Variants in POTEF observed in about 807,000 individuals in gnomAD.
POTEF encodes the protein ANKRD26-like family C member 1B.
POTEF carries 20 observed loss-of-function variants against 83.2 expected under a neutral mutation model. That is an observed-to-expected ratio of 0.24 (90% CI 0.17 to 0.35). The LOEUF is 0.35. POTEF is among the 10% of genes least tolerant of loss of function. The probability of loss-of-function intolerance (pLI) is 1.00; values close to 1 mark genes in which losing one functional copy is unlikely to be tolerated. For synonymous variants in POTEF, 196 were observed against 446.4 expected, an observed-to-expected ratio of 0.44 and a Z score of 7.07; for missense variants, 550 against 1,203.2, an observed-to-expected ratio of 0.46 and a Z score of 8.03.
intron 8 of POTEF, 49 bp from the exon 9 acceptor site, chr2:130,102,229 TA>T (rs1315384503): frequency 6.7e-6 from 10 of 1,484,486 alleles, no homozygotes; most frequent in African/African-American, 6.1e-5. Flanking sequence ...TTAGAACAGT[TA>T]AAAACTATTG....
intron 2 of POTEF, 127 bp from the exon 3 acceptor site, chr2:130,120,735 C>A (rs1015968711): frequency 6.9e-5 from 61 of 880,450 alleles, no homozygotes; most frequent in Non-Finnish European, 7.1e-5. Flanking sequence ...CCCTGGGCGA[C>A]CCCACGCCCA....
chr2:130,125,956 CAA>C (rs895864576), intron 2 of POTEF, among the ~76,000 whole-genome samples: 4 of 150,432 alleles, frequency 2.7e-5, no homozygotes, highest in African/African-American at 9.8e-5. Flanking sequence ...TTTTCTCTTG[CAA>C]AGAGGTGGTG....
chr2:130,115,770 C>T (rs1172254255), intron 3 of POTEF, among the ~76,000 whole-genome samples: 4 of 152,140 alleles, frequency 2.6e-5, no homozygotes. Context: ...TTAATTTTTA[C>T]TAATACCACT....
At chr2:130,123,697 T>C (rs560049623) in intron 2 of POTEF, among the ~76,000 whole-genome samples, 1 of 151,574 alleles carries the variant, frequency 6.6e-6, no homozygotes, top group African/African-American at 2.4e-5. Context: ...TGAGATAGCA[T>C]TGCTACATAA....
Position 130,108,040 on chromosome 2 carries a change from C to T in POTEF, c.1095G>A (p.Met365Ile), listed in dbSNP as rs771067026. ...TGCTGTTTTCAGAAGAGATTTTTAG[C>T]ATCTGTTTTTCTTTGTAGTCAGAAA... is the stretch of plus-strand genomic sequence containing the variant. ...QLLSDYKEKQ[M>I]LKISSENSNP... Residue 365 changes from methionine (M) to isoleucine (I), a missense_variant, in exon 8 of 17, where the codon ATG becomes ATA. Physicochemically the swap from Met to Ile is conservative, Grantham distance 10. Transcript: ENST00000409914. 2.5e-5 allele frequency: 40 copies of T among 1,603,594 alleles called. 1 individual carries two copies. The highest frequency in any genetic ancestry group is 4.1e-4 in the Middle Eastern group (2 of 4,868).
chr2:130,128,587 C>G (rs1344032194), intron 1 of POTEF, among the ~76,000 whole-genome samples: 19 of 149,112 alleles, frequency 1.3e-4, no homozygotes, highest in Admixed American at 1.3e-3. Context: ...GTGTAGCACC[C>G]GATAGTGCCC....
intron 8 of POTEF, among the ~76,000 whole-genome samples, chr2:130,104,146 C>G (rs912767628): frequency 2.0e-5 from 3 of 150,618 alleles, no homozygotes; most frequent in African/African-American, 7.5e-5. Flanking sequence ...GTAGCAATTT[C>G]TCAATAATTC....
intron 8 of POTEF, among the ~76,000 whole-genome samples, chr2:130,104,865 G>A (rs554782384): frequency 6.6e-6 from 1 of 151,342 alleles, no homozygotes; most frequent in East Asian, 1.9e-4. Flanking sequence ...AGTCTTATTA[G>A]TGAGAGTCAA....
Position 130,108,848 on chromosome 2 carries a change from G to A in POTEF, c.1056-769C>T, listed in dbSNP as rs184694500. Among the ~76,000 whole-genome samples, 908 of 149,588 alleles carry A rather than the reference G, an allele frequency of 6.1e-3. 50 individuals are homozygous for A. The highest frequency in any genetic ancestry group is 0.022 in the African/African-American group (877 of 40,428). ...ATGTTAAGACCTGACTTGGACCAAC[G>A]ATCCTTCTCTACCGACTCAAACTCT... is the stretch of plus-strand genomic sequence containing the variant. On this transcript the variant is annotated intron_variant, in intron 7 of 16. Transcript: ENST00000409914.
chr2:130,115,403 A>G, intron 3 of POTEF, 75 bp from the exon 4 acceptor site: 2 of 1,462,838 alleles, frequency 1.4e-6, no homozygotes, highest in Non-Finnish European at 1.9e-6. Context: ...ATGTAACTGC[A>G]AACACTGAAT....
intron 5 of POTEF, among the ~76,000 whole-genome samples, chr2:130,114,082 G>A (rs1223548447): frequency 6.6e-6 from 1 of 151,832 alleles, no homozygotes; most frequent in African/African-American, 2.4e-5. Flanking sequence ...TACTAAGTCA[G>A]TTAATTACTT....
intron 11 of POTEF, among the ~76,000 whole-genome samples, chr2:130,099,166 T>C (rs1684328441): frequency 2.6e-5 from 1 of 37,762 alleles, no homozygotes; most frequent in Admixed American, 4.4e-4. Flanking sequence ...AGTCCAAATC[T>C]CCATGATACA....
At chr2:130,099,131 T>C (rs1233969403) in intron 11 of POTEF, among the ~76,000 whole-genome samples, 1 of 55,658 alleles carries the variant, frequency 1.8e-5, no homozygotes, top group Non-Finnish European at 3.2e-5. Context: ...GTTTTGCTTA[T>C]TATGTGGCTG....
intron 7 of POTEF, chr2:130,109,742 T>C (rs1408292656): frequency 4.6e-5 from 7 of 151,162 alleles, no homozygotes; most frequent in African/African-American, 1.7e-4. Context: ...AAGGATCTCT[T>C]ACCATGAAGG....
intron 15 of POTEF, among the ~76,000 whole-genome samples, chr2:130,083,453 G>C (rs1307301754): frequency 3.7e-4 from 54 of 146,712 alleles, no homozygotes; most frequent in Non-Finnish European, 6.9e-4. Context: ...GGACTAGAAA[G>C]GCAGGAGGAA....
chr2:130,117,217 T>G (rs1437865568), intron 3 of POTEF, among the ~76,000 whole-genome samples: 1 of 151,890 alleles, frequency 6.6e-6, no homozygotes, highest in Non-Finnish European at 1.5e-5. Flanking sequence ...AAGATAATTA[T>G]GTAATAAAAT....
intron 7 of POTEF, among the ~76,000 whole-genome samples, chr2:130,108,626 G>T (rs1684615246): frequency 6.6e-6 from 1 of 150,778 alleles, no homozygotes; most frequent in African/African-American, 2.5e-5. Context: ...TGCAAATGTT[G>T]TAGTTTTCAG....
intron 3 of POTEF, among the ~76,000 whole-genome samples, chr2:130,117,785 T>C (rs1314071611): frequency 6.6e-6 from 1 of 152,080 alleles, no homozygotes; most frequent in Non-Finnish European, 1.5e-5. Flanking sequence ...ATGGAATTGA[T>C]GAGTAAAAAG....
chr2:130,128,367 G>A (rs1156744080), intron 1 of POTEF, among the ~76,000 whole-genome samples: 1 of 151,914 alleles, frequency 6.6e-6, no homozygotes, highest in Non-Finnish European at 1.5e-5. Context: ...AAAGAGAAGA[G>A]TCACCCGAAG....
Sources: allele counts gnomAD v4.1 joint callset (sites outside exome capture counted in the v4.1 genomes callset), GRCh38; gene constraint gnomAD v4.1.1; transcripts MANE v1.5; gene names NCBI Gene and HGNC (gene_info 2026-07-23, HGNC 2026-07-21).